NACC2: variants seen among roughly 807,000 people sequenced by gnomAD.
NACC2 encodes NACC family member 2, also known as nucleus accumbens-associated protein 2.
In NACC2, 8 loss-of-function variants were observed where a neutral mutation model predicts 25.1. The ratio of observed to expected loss-of-function variants is 0.32; its 90% CI spans 0.19 to 0.57. NACC2 has a LOEUF of 0.57. NACC2 is among the 20% of genes least tolerant of loss of function. NACC2 has a pLI of 0.89. For synonymous variants in NACC2, 435 were observed against 294.7 expected (o/e 1.48, Z -4.88); for missense variants, 644 against 650.2 (o/e 0.99, Z 0.10).
intron 2 of NACC2, among the ~76,000 whole-genome samples, chr9:136,030,583 C>T (rs1278120904): frequency 6.6e-6 from 1 of 151,390 alleles, no homozygotes; most frequent in African/African-American, 2.4e-5. Context: ...GCACTCCAGC[C>T]TGGGCGACAG....
At chr9:136,048,902 C>T (rs925769404) in intron 2 of NACC2, among the ~76,000 whole-genome samples, 1 of 152,230 alleles carries the variant, frequency 6.6e-6, no homozygotes, top group Admixed American at 6.5e-5. Flanking sequence ...GCATTATGCA[C>T]CCGCACCCAG....
chr9:136,087,802 C>T (rs888860019), intron 1 of NACC2, among the ~76,000 whole-genome samples: 4 of 152,206 alleles, frequency 2.6e-5, no homozygotes, highest in Non-Finnish European at 5.9e-5. Context: ...AGGACGGCAC[C>T]GGCAAGATCC....
chr9:136,061,153 C>T (rs11103298), intron 1 of NACC2, among the ~76,000 whole-genome samples: 4,052 of 152,248 alleles, frequency 0.027, 69 homozygotes, highest in East Asian at 0.05. Context: ...AAACCCCATC[C>T]GGGTCTGCAC....
chr9:136,034,611 T>C (rs1224604988), intron 2 of NACC2, among the ~76,000 whole-genome samples: 2 of 151,338 alleles, frequency 1.3e-5, no homozygotes, highest in East Asian at 3.9e-4. Context: ...AACCAGAAAG[T>C]CTAGGATGCG....
chr9:136,091,774 A>G (rs1016459121), intron 1 of NACC2, among the ~76,000 whole-genome samples: 8 of 152,072 alleles, frequency 5.3e-5, no homozygotes, highest in Non-Finnish European at 1.2e-4. Context: ...CAGGAGGCAT[A>G]TTTTACAAAT....
chr9:136,061,629 ACCCCAGC>A (rs1393474556), intron 1 of NACC2, among the ~76,000 whole-genome samples: 7 of 151,862 alleles, frequency 4.6e-5, no homozygotes, highest in Non-Finnish European at 7.4e-5. Context: ...CAGCAGGTCT[ACCCCAGC>A]CCCCAGCCTC....
At chr9:136,047,043 G>A (rs11103289) in intron 2 of NACC2, among the ~76,000 whole-genome samples, 8,929 of 152,180 alleles carry the variant, frequency 0.059, 533 homozygotes, top group East Asian at 0.2. Flanking sequence ...CACTCAACAG[G>A]TAGGGAGACT....
chr9:136,075,364 C>T (rs1009943497), intron 1 of NACC2, among the ~76,000 whole-genome samples: 1 of 152,224 alleles, frequency 6.6e-6, no homozygotes, highest in Non-Finnish European at 1.5e-5. Flanking sequence ...CTGGCTGCTG[C>T]GAACTGACTG....
chr9:136,046,800 G>A (rs1244047319), intron 2 of NACC2, among the ~76,000 whole-genome samples: 9 of 152,334 alleles, frequency 5.9e-5, no homozygotes, highest in African/African-American at 1.9e-4. Flanking sequence ...GACAGACACC[G>A]CATGGAGACC....
intron 2 of NACC2, among the ~76,000 whole-genome samples, chr9:136,029,606 G>A (rs1379284664): frequency 6.6e-6 from 1 of 152,234 alleles, no homozygotes; most frequent in Non-Finnish European, 1.5e-5. Flanking sequence ...AGGTCCGTGA[G>A]CCGGGGCTGT....
intron 1 of NACC2, among the ~76,000 whole-genome samples, chr9:136,081,516 A>C (rs1830324832): frequency 1.3e-5 from 2 of 152,240 alleles, no homozygotes; most frequent in Admixed American, 1.3e-4. Flanking sequence ...GCTGTAACAG[A>C]ATTCCCTCGT....
Position 136,008,985 on chromosome 9 carries a change from T to C in NACC2, c.*2531A>G, listed in dbSNP as rs1353218606. On this transcript the variant is annotated 3_prime_UTR_variant, in exon 6 of 6. Coordinates refer to ENST00000277554, the MANE Select transcript of NACC2 (RefSeq NM_144653.5). ...ACGAGTGAGGAAGGGGCACGGGACATTGTGCGGGCCTGAACAGCAGTCAGG... is the reference window on the plus strand; with the variant it reads ...ACGAGTGAGGAAGGGGCACGGGACACTGTGCGGGCCTGAACAGCAGTCAGG... The C allele has an allele frequency of 6.6e-6, 1 of 152,226 alleles. No individual in the cohort carries two copies. Among genetic ancestry groups the C allele is most frequent in the East Asian group, 1.9e-4 (1 of 5,196 alleles). 9.4% of individuals were successfully genotyped at this position (152,226 alleles called of 1,614,324 possible).
chr9:136,023,934 C>A (rs1226723772), intron 2 of NACC2, among the ~76,000 whole-genome samples: 2 of 152,164 alleles, frequency 1.3e-5, no homozygotes, highest in African/African-American at 2.4e-5. Flanking sequence ...CGTGCATGCC[C>A]CCAACCACAC....
At chr9:136,031,958 G>A (rs533102514) in intron 2 of NACC2, among the ~76,000 whole-genome samples, 5 of 142,372 alleles carry the variant, frequency 3.5e-5, no homozygotes, top group East Asian at 1.9e-4. Flanking sequence ...CAGCTTTCCC[G>A]ATGCTAGGGC....
chr9:136,068,771 G>A (rs1001040193), intron 1 of NACC2, among the ~76,000 whole-genome samples: 16 of 151,544 alleles, frequency 1.1e-4, no homozygotes, highest in Non-Finnish European at 2.1e-4. Flanking sequence ...TTTAAAAATC[G>A]AGTGGCTCAC....
intron 2 of NACC2, among the ~76,000 whole-genome samples, chr9:136,044,408 G>A (rs919780069): frequency 6.6e-5 from 10 of 152,108 alleles, no homozygotes; most frequent in East Asian, 1.9e-4. Context: ...TCGGCTCCTC[G>A]GAAGGCCTGA....
intron 2 of NACC2, among the ~76,000 whole-genome samples, chr9:136,031,364 G>A (rs1481712056): frequency 8.3e-6 from 1 of 119,782 alleles, no homozygotes; most frequent in African/African-American, 2.7e-5. Flanking sequence ...CTGAGATAGA[G>A]TCTTGCTCCA....
chr9:136,015,927 G>A (rs976580101), intron 3 of NACC2, among the ~76,000 whole-genome samples: 5 of 152,192 alleles, frequency 3.3e-5, no homozygotes, highest in Admixed American at 2.6e-4. Context: ...GAACCTGGCC[G>A]TTACCCTCAA....
chr9:136,029,254 GCCTA>G (rs1304105068), intron 2 of NACC2, among the ~76,000 whole-genome samples: 1 of 152,176 alleles, frequency 6.6e-6, no homozygotes, highest in East Asian at 1.9e-4. Flanking sequence ...CAACAGGATG[GCCTA>G]CCTGAGGAGG....
Sources: allele counts gnomAD v4.1 joint callset (sites outside exome capture counted in the v4.1 genomes callset), GRCh38; gene constraint gnomAD v4.1.1; transcripts MANE v1.5; gene names NCBI Gene and HGNC (gene_info 2026-07-23, HGNC 2026-07-21).